The following LGALS8 variants were observed in gnomAD, a reference collection of about 807,000 sequenced individuals.
The protein encoded by LGALS8 is galectin-8.
Under a neutral mutation model 35.9 loss-of-function variants are expected in LGALS8, and 30 were observed. The observed-to-expected ratio is 0.83, with a 90% CI of 0.62 to 1.13. The LOEUF is 1.13. LGALS8 is among the 50% of genes most tolerant of loss of function. The probability of loss-of-function intolerance (pLI) is 0.00; values close to 1 mark genes in which losing one functional copy is unlikely to be tolerated. For missense variants in LGALS8, 366 were observed against 388.7 expected (o/e 0.94, Z 0.49); for synonymous variants, 138 against 136.1 (o/e 1.01, Z -0.10).
rs777734420 is a variant in LGALS8 at position 236,548,187 on chromosome 1, C to T, written c.*26C>T. On this transcript the variant is annotated 3_prime_UTR_variant, in exon 10 of 10. Transcript: ENST00000366584. ...CCTACCTACACAGCTGCTACAAAAA[C>T]CAAAATACAGAATGGCTTCTGTGAT... is the stretch of plus-strand genomic sequence containing the variant. The T allele has an allele frequency of 3.1e-6, 5 of 1,600,968 alleles. No individual in the cohort carries two copies. In the South Asian group the frequency reaches 3.4e-5, roughly 11 times the overall value.
In LGALS8 at chr1:236,550,724, A is replaced by G. The variant is rs973496862; in HGVS notation, c.*2563A>G. ...TGCAGCTCTATACGATAGGCAGGAG[A>G]GGCTTATGTGGCAGCACAAGCCAGG... On this transcript the variant is annotated 3_prime_UTR_variant, in exon 10 of 10. Coordinates refer to ENST00000366584, the MANE Select transcript of LGALS8 (RefSeq NM_201544.4). The G allele has an allele frequency of 3.5e-5, 19 of 538,798 alleles. No homozygotes were observed. The African/African-American group carries it at 3.6e-4, about 10-fold the overall frequency. The allele number at this position is 538,798 out of a possible 1,614,324, so 33.4% of individuals were successfully genotyped here.
chr1:236,547,083 G>C (rs991187135), intron 9 of LGALS8, among the ~76,000 whole-genome samples: 20 of 152,156 alleles, frequency 1.3e-4, no homozygotes, highest in African/African-American at 4.8e-4. Context: ...CTGGCCTCTC[G>C]GGGTGGGGCC....
intron 2 of LGALS8, among the ~76,000 whole-genome samples, chr1:236,527,914 T>G (rs1170239170): frequency 6.6e-6 from 1 of 152,080 alleles, no homozygotes; most frequent in Non-Finnish European, 1.5e-5. Flanking sequence ...TTTTGTGTTT[T>G]TAGTAGATAT....
intron 8 of LGALS8, 129 bp from the exon 9 acceptor site, chr1:236,544,621 C>A: frequency 1.7e-6 from 1 of 576,504 alleles, no homozygotes; most frequent in Non-Finnish European, 2.8e-6. Flanking sequence ...ATTCCCATGT[C>A]CATGTGGATA....
chr1:236,526,354 G>A lies in LGALS8; in HGVS notation c.45+239G>A, dbSNP rs191922822. ...AGTGTTATGAACAGGGAACGTCTGG[G>A]TAGAGTGGAGGGAATGCCAACTTTT... is the stretch of plus-strand genomic sequence containing the variant. On this transcript the variant is annotated intron_variant, in intron 2 of 9. Coordinates refer to ENST00000366584, the MANE Select transcript of LGALS8 (RefSeq NM_201544.4). This position sits in a 1 kb window ranked among gnomAD's most constrained non-coding sequence, Gnocchi z 4.6. 2.0e-5 allele frequency: 7 copies of A among 348,252 alleles called. No individual in the cohort carries two copies. The highest frequency in any genetic ancestry group is 1.2e-4 in the African/African-American group (6 of 48,040). The allele number at this position is 348,252 out of a possible 1,614,324, so 21.6% of individuals were successfully genotyped here.
chr1:236,520,618 A>G (rs1394825763), upstream of LGALS8, among the ~76,000 whole-genome samples: 2 of 152,242 alleles, frequency 1.3e-5, no homozygotes, highest in East Asian at 3.9e-4. Context: ...CTCTCAGCAC[A>G]CTTGGCACAC....
At chr1:236,547,170 T>C (rs943917912) in intron 9 of LGALS8, among the ~76,000 whole-genome samples, 1 of 152,214 alleles carries the variant, frequency 6.6e-6, no homozygotes, top group Non-Finnish European at 1.5e-5. Context: ...GAGAGCTCAG[T>C]GCAGGGCCTC....
Position 236,540,572 on chromosome 1 carries a change from A to T in LGALS8, c.354A>T (p.Val118=). The T allele has an allele frequency of 2.5e-6, 4 of 1,602,886 alleles. No individual in the cohort carries two copies. The highest frequency in any genetic ancestry group is 3.4e-6 in the Non-Finnish European group (4 of 1,175,182). The change falls in exon 5 of 10, where the codon GTA becomes GTT. Residue 118 remains valine, a synonymous_variant. Transcript: ENST00000366584. ...MVLKDKFQVA[V]NGKHTLLYGH... ...CTTCTGTATCTCTCTAGGTGGCTGT[A>T]AATGGAAAACATACTCTGCTCTATG...
rs577225684 is a variant in LGALS8, at chr1:236,548,073, AG to A, written c.867del (p.Glu289AspfsTer26). The A allele has an allele frequency of 1.5e-3, 2,415 of 1,613,078 alleles. 34 individuals are homozygous for A. The highest frequency in any genetic ancestry group is 3.9e-3 in the East Asian group (176 of 44,884). The part of the protein sequence containing the change: ...KVAVNGVHSL[E>X]YKHRFKELSS... Reference sequence around the variant, plus strand: ...GCAGTAAATGGCGTACACAGCCTGGAGTACAAACACAGATTTAAAGAGCTCA... The same window carrying A: ...GCAGTAAATGGCGTACACAGCCTGGATACAAACACAGATTTAAAGAGCTCA... On this transcript the variant is annotated frameshift_variant, in exon 10 of 10. Coordinates refer to ENST00000366584, the MANE Select transcript of LGALS8 (RefSeq NM_201544.4). LOFTEE classifies it high-confidence loss of function.
In LGALS8 at chr1:236,541,667, C is replaced by A; in HGVS notation, c.479C>A (p.Thr160Asn). The change falls in exon 6 of 10, where the codon ACC (threonine) becomes AAC (asparagine). Residue 160 changes from threonine (T) to asparagine (N), a missense_variant. Transcript: ENST00000366584. The part of the protein sequence containing the change: ...GFSFSSDLQS[T>N]QASSLELTEI... ...ATCTTTTCTCAGGACTTACAAAGTA[C>A]CCAAGCATCTAGTCTGGAACTGACA... 1 of 1,515,886 alleles carries A rather than the reference C, an allele frequency of 6.6e-7. No individual in the cohort carries two copies. The highest frequency in any genetic ancestry group is 1.4e-5 in the African/African-American group (1 of 71,606). The allele number at this position is 1,515,886 out of a possible 1,614,324, so 93.9% of individuals were successfully genotyped here.
chr1:236,548,126 G>A lies in LGALS8; in HGVS notation c.919G>A (p.Gly307Arg), dbSNP rs1199127132. 6.2e-7 allele frequency: 1 copy of A among 1,613,992 alleles called. No homozygotes were observed. Among genetic ancestry groups the A allele is most frequent in the Admixed American group, 1.7e-5 (1 of 60,016 alleles). Residue 307 changes from glycine (G) to arginine (R), a missense_variant, in exon 10 of 10, where the codon GGA becomes AGA. Gly to Arg is a moderately radical substitution (Grantham distance 125). Coordinates refer to ENST00000366584, the MANE Select transcript of LGALS8 (RefSeq NM_201544.4). ...LSSIDTLEIN[G>R]DIHLLEVRSW is the part of the protein sequence containing the mutation. ...CAGTATTGACACGCTGGAAATTAATGGAGACATCCACTTACTGGAAGTAAG... is the reference window on the plus strand; with the variant it reads ...CAGTATTGACACGCTGGAAATTAATAGAGACATCCACTTACTGGAAGTAAG...
Position 236,551,923 on chromosome 1 carries a change from C to T in LGALS8, c.*3762C>T. ...CACGTTATATCCAAATCTGCATTAT[C>T]ATTGGGCACATTTTCACAGAATTTT... On this transcript the variant is annotated 3_prime_UTR_variant, in exon 10 of 10. Coordinates refer to ENST00000366584, the MANE Select transcript of LGALS8 (RefSeq NM_201544.4). 1 of 948,514 alleles carries T rather than the reference C, an allele frequency of 1.1e-6. No individual in the cohort carries two copies. Among genetic ancestry groups the T allele is most frequent in the South Asian group, 1.4e-5 (1 of 71,466 alleles). The allele number at this position is 948,514 out of a possible 1,614,324, so 58.8% of individuals were successfully genotyped here. A position where few individuals can be genotyped will look rare whatever the true frequency, so the allele number is the denominator to read the frequency against.
chr1:236,543,549 C>G lies in LGALS8; in HGVS notation c.550-11C>G. On this transcript the variant is annotated splice_polypyrimidine_tract_variant and intron_variant, in intron 7 of 9. Transcript: ENST00000366584. ...GCAGGCCTCTTGGTCCTGACTGTGG[C>G]TTCTTTTCAGAGGCTGCCATTCGCT... 1 of 1,610,324 alleles carries G rather than the reference C, an allele frequency of 6.2e-7. No homozygotes were observed. Among genetic ancestry groups the G allele is most frequent in the Non-Finnish European group, 8.5e-7 (1 of 1,176,546 alleles).
chr1:236,522,439 C>CA (rs200156062), upstream of LGALS8, among the ~76,000 whole-genome samples: 37 of 151,232 alleles, frequency 2.4e-4, 1 homozygote, highest in South Asian at 1.7e-3. Flanking sequence ...CCTGTCTCTA[C>CA]AAAAAAAAAT....
intron 9 of LGALS8, among the ~76,000 whole-genome samples, chr1:236,546,009 C>A (rs1662340194): frequency 6.6e-6 from 1 of 152,104 alleles, no homozygotes; most frequent in South Asian, 2.1e-4. Context: ...TGACAGGAAA[C>A]CAATGATGTA....
intron 2 of LGALS8, among the ~76,000 whole-genome samples, chr1:236,528,546 ATTT>A (rs61261486): frequency 0.38 from 39,031 of 103,780 alleles, 6,900 homozygotes; most frequent in Middle Eastern, 0.54. Flanking sequence ...AATGTTTCCA[ATTT>A]TTTTTTTTTT....
At chr1:236,532,388 T>C (rs1221596862) in intron 2 of LGALS8, among the ~76,000 whole-genome samples, 1 of 152,216 alleles carries the variant, frequency 6.6e-6, no homozygotes, top group Non-Finnish European at 1.5e-5. Flanking sequence ...TACTTTGATA[T>C]CTTTACAAAT....
At chr1:236,543,410 AC>A in intron 7 of LGALS8, 149 bp from the exon 8 acceptor site, 1 of 721,716 alleles carries the variant, frequency 1.4e-6, no homozygotes, top group Non-Finnish European at 2.5e-6. Context: ...GCTGCAGGGG[AC>A]CCAGCTGGGA....
At position 236,542,710 on chromosome 1, in the gene LGALS8, C is replaced by T. The variant is rs371370551; in HGVS notation, c.523-51C>T. 378 of 1,589,106 alleles carry T rather than the reference C, an allele frequency of 2.4e-4. 1 individual carries two copies. The highest frequency in any genetic ancestry group is 3.6e-4 in the East Asian group (16 of 44,762). On this transcript the variant is annotated intron_variant, in intron 6 of 9. Transcript: ENST00000366584. ...CACAACCAAGACTTCAGATTATAAA[C>T]TATAATTCTTCCCCTTCTAACATTG...
Sources: gnomAD v4.1 joint callset for allele counts (sites outside exome capture counted in the v4.1 genomes callset) on GRCh38, gnomAD v4.1.1 for gene constraint, Gnocchi (gnomAD v3.1) non-coding constraint, MANE v1.5 for transcripts, NCBI Gene and HGNC (gene_info 2026-07-23, HGNC 2026-07-21) for gene names.